The following FMNL2 variants were observed in gnomAD, a reference collection of about 807,000 sequenced individuals.
FMNL2 encodes the protein formin like 2, also known as formin-like protein 2.
In FMNL2, 51 loss-of-function variants were observed where a neutral mutation model predicts 130.2. The observed-to-expected ratio is 0.39, with a 90% CI of 0.31 to 0.49. The LOEUF (loss-of-function observed/expected upper bound fraction) is 0.49, where lower values mean the gene tolerates loss of function less well. Ranked by LOEUF, FMNL2 falls within the 20% of genes least tolerant of loss-of-function variation. The pLI is 0.85. For synonymous variants in FMNL2, 465 were observed against 467.1 expected, an observed-to-expected ratio of 1.00 and a Z score of 0.06; for missense variants, 977 against 1,316.2, an observed-to-expected ratio of 0.74 and a Z score of 3.99.
At chr2:152,508,194 A>T (rs1027386088) in intron 1 of FMNL2, among the ~76,000 whole-genome samples, 4 of 152,120 alleles carry the variant, frequency 2.6e-5, no homozygotes, top group Admixed American at 2.6e-4. Flanking sequence ...ACTGGGATGG[A>T]ACACTGCAGC....
intron 8 of FMNL2, 91 bp downstream of exon 8, chr2:152,579,055 T>G: frequency 9.7e-7 from 1 of 1,031,362 alleles, no homozygotes; most frequent in Non-Finnish European, 1.4e-6. Context: ...TTGGAAACTT[T>G]CAAGTGTTAA....
chr2:152,607,644 A>G (rs957763027), intron 10 of FMNL2: 1 of 342,762 alleles, frequency 2.9e-6, no homozygotes, highest in Non-Finnish European at 5.4e-6. Flanking sequence ...AAAAGTACTA[A>G]TCATAGCAAA....
rs1194628952 is a variant in FMNL2 at position 152,335,321 on chromosome 2, G to A, written c.-283G>A. On this transcript the variant is annotated 5_prime_UTR_variant, in exon 1 of 26. Coordinates refer to ENST00000288670, the MANE Select transcript of FMNL2 (RefSeq NM_052905.4). ...TCTGGCAGGGGGCGGTGTGCCAGCG[G>A]AGCACCATGCACATAGGCGCCCAGC... The A allele has an allele frequency of 5.2e-6, 1 of 193,342 alleles. No individual in the cohort carries two copies. Among genetic ancestry groups the A allele is most frequent in the East Asian group, 1.3e-4 (1 of 7,922 alleles). 12.0% of individuals were successfully genotyped at this position (193,342 alleles called of 1,614,324 possible). A position where few individuals can be genotyped will look rare whatever the true frequency, so the allele number is the denominator to read the frequency against.
At chr2:152,541,970 C>A (rs981257385) in intron 2 of FMNL2, among the ~76,000 whole-genome samples, 1 of 152,128 alleles carries the variant, frequency 6.6e-6, no homozygotes. Context: ...AAACCTGATA[C>A]ACGTGGCATG....
intron 1 of FMNL2, among the ~76,000 whole-genome samples, chr2:152,502,597 GA>G (rs1273821632): frequency 6.6e-6 from 1 of 152,212 alleles, no homozygotes; most frequent in Non-Finnish European, 1.5e-5. Context: ...TGAGGCACGA[GA>G]ATTGCTTGAA....
chr2:152,559,384 C>T (rs1309922969), intron 5 of FMNL2, among the ~76,000 whole-genome samples: 1 of 152,198 alleles, frequency 6.6e-6, no homozygotes, highest in East Asian at 1.9e-4. Context: ...ATGATCTCGG[C>T]TCACTGCAAC....
Position 152,394,738 on chromosome 2 carries a change from C to T in FMNL2, c.117+59018C>T, listed in dbSNP as rs569095605. ...ACTGTTGGGTTTTTTTTTTTTTTGG[C>T]CTTTGGAAGATACACTCAAATTTGT... On this transcript the variant is annotated intron_variant, in intron 1 of 25. Transcript: ENST00000288670. Among the ~76,000 whole-genome samples, 999 of 130,896 alleles carry T rather than the reference C, an allele frequency of 7.6e-3. 17 individuals are homozygous for T. The highest frequency in any genetic ancestry group is 0.028 in the African/African-American group (939 of 33,368). The allele number at this position is 130,896 out of a possible 152,430, so 85.9% of individuals were successfully genotyped here.
chr2:152,372,360 T>G (rs1683937215), intron 1 of FMNL2, among the ~76,000 whole-genome samples: 2 of 152,186 alleles, frequency 1.3e-5, no homozygotes, highest in African/African-American at 2.4e-5. Flanking sequence ...TTTTGGAAAT[T>G]TGGTTAGTTG....
At chr2:152,568,066 G>A (rs1168344328) in intron 6 of FMNL2, among the ~76,000 whole-genome samples, 1 of 152,152 alleles carries the variant, frequency 6.6e-6, no homozygotes, top group African/African-American at 2.4e-5. Flanking sequence ...TCTGGGTATT[G>A]AAGCTCAAGG....
intron 10 of FMNL2, among the ~76,000 whole-genome samples, chr2:152,610,883 C>CT (rs1180568497): frequency 1.3e-5 from 2 of 152,116 alleles, no homozygotes; most frequent in Admixed American, 1.3e-4. Flanking sequence ...AGTGGCCACC[C>CT]TTTTTTACAT....
intron 1 of FMNL2, among the ~76,000 whole-genome samples, chr2:152,391,908 G>GTTT (rs10584642): frequency 1.9e-4 from 21 of 111,112 alleles, no homozygotes; most frequent in Non-Finnish European, 2.5e-4. Flanking sequence ...GCTAGAAGTT[G>GTTT]TTTTTTTTTT....
chr2:152,436,272 C>T (rs527985618), intron 1 of FMNL2, among the ~76,000 whole-genome samples: 47 of 152,118 alleles, frequency 3.1e-4, no homozygotes, highest in Non-Finnish European at 5.4e-4. Context: ...CTCAAGCCTG[C>T]TGACTAGCTG....
At chr2:152,577,150 A>G (rs1696522977) in intron 7 of FMNL2, among the ~76,000 whole-genome samples, 1 of 152,152 alleles carries the variant, frequency 6.6e-6, no homozygotes, top group Admixed American at 6.5e-5. Flanking sequence ...CTAGGATCAT[A>G]GGAGTGGAGA....
chr2:152,380,274 C>A (rs1037840526), intron 1 of FMNL2, among the ~76,000 whole-genome samples: 7 of 152,166 alleles, frequency 4.6e-5, no homozygotes, highest in African/African-American at 1.7e-4. Context: ...GTGTTTGAAC[C>A]AAAGGCAGCC....
Position 152,402,358 on chromosome 2 carries a change from C to T in FMNL2, c.117+66638C>T, listed in dbSNP as rs73967857. On this transcript the variant is annotated intron_variant, in intron 1 of 25. Coordinates refer to ENST00000288670, the MANE Select transcript of FMNL2 (RefSeq NM_052905.4). ...TTTCCTTAGCAGGCCAGGCACATTC[C>T]CTGCTGTTTTTGGGGAGCGGGCTCC... 7.4e-3 allele frequency among the ~76,000 whole-genome samples: 1,125 copies of T among 152,138 alleles called. 14 individuals are homozygous for T. The highest frequency in any genetic ancestry group is 0.026 in the African/African-American group (1,060 of 41,510).
chr2:152,378,836 G>A (rs1287963632), intron 1 of FMNL2, among the ~76,000 whole-genome samples: 1 of 151,982 alleles, frequency 6.6e-6, no homozygotes, highest in Non-Finnish European at 1.5e-5. Flanking sequence ...ATAGATGGAG[G>A]TGTGGGCTAT....
Position 152,590,980 on chromosome 2 carries a change from C to CTTTTTTTTTTTTTTTTTT in FMNL2, c.876+9958_876+9975dup, listed in dbSNP as rs1158391663. 3.8e-4 allele frequency among the ~76,000 whole-genome samples: 25 copies of CTTTTTTTTTTTTTTTTTT among 65,788 alleles called. 3 individuals are homozygous for CTTTTTTTTTTTTTTTTTT. Among genetic ancestry groups the CTTTTTTTTTTTTTTTTTT allele is most frequent in the Non-Finnish European group, 6.0e-4 (23 of 38,590 alleles). The allele number at this position is 65,788 out of a possible 152,430, so 43.2% of individuals were successfully genotyped here. ...CAGAGTTAGATTTTCCCTCTGATAA[C>CTTTTTTTTTTTTTTTTTT]TTTTTTTTTTTTTTTTTTTTTTTTT... On this transcript the variant is annotated intron_variant, in intron 9 of 25. Transcript: ENST00000288670.
intron 3 of FMNL2, among the ~76,000 whole-genome samples, chr2:152,543,039 G>A (rs936188682): frequency 6.6e-6 from 1 of 152,204 alleles, no homozygotes; most frequent in African/African-American, 2.4e-5. Context: ...TGAGAGTCAC[G>A]TACCTCTGAT....
chr2:152,607,376 A>C lies in FMNL2; in HGVS notation c.914A>C (p.Glu305Ala). ...GEKQRFEKLMEHFRNEDNNID... is the reference protein window; with the variant it reads ...GEKQRFEKLMAHFRNEDNNID... ...AAACAGCGCTTTGAGAAGTTGATGGAACATTTCAGGAATGAAGACAATAAC... is the reference window on the plus strand; with the variant it reads ...AAACAGCGCTTTGAGAAGTTGATGGCACATTTCAGGAATGAAGACAATAAC... The change falls in exon 10 of 26, where the codon GAA becomes GCA. Residue 305 changes from glutamate (E) to alanine (A), a missense_variant. Physicochemically the swap from Glu to Ala is moderately radical, Grantham distance 107. This residue lies in a region of FMNL2 where 689 missense variants were observed against 995.9 expected (regional missense o/e 0.69). Transcript: ENST00000288670. 1 of 1,613,660 alleles carries C rather than the reference A, an allele frequency of 6.2e-7. No homozygotes were observed. Among genetic ancestry groups the C allele is most frequent in the African/African-American group, 1.3e-5 (1 of 75,016 alleles).
Sources: gnomAD v4.1 joint callset for allele counts (sites outside exome capture counted in the v4.1 genomes callset) on GRCh38, gnomAD v4.1.1 for gene constraint, gnomAD v4.1.1 regional missense constraint, MANE v1.5 for transcripts, NCBI Gene and HGNC (gene_info 2026-07-23, HGNC 2026-07-21) for gene names.